Variants in AGBL1 observed in about 807,000 individuals in gnomAD.
The protein encoded by AGBL1 is cytosolic carboxypeptidase 4.
In AGBL1, 130 loss-of-function variants were observed where a neutral mutation model predicts 118.9. The ratio of observed to expected loss-of-function variants is 1.09; its 90% CI spans 0.95 to 1.26. The LOEUF (loss-of-function observed/expected upper bound fraction) is 1.26, where lower values mean the gene tolerates loss of function less well. AGBL1 is among the 50% of genes most tolerant of loss of function. The pLI is 0.00. For synonymous variants in AGBL1, 555 were observed against 478.9 expected (o/e 1.16, Z -2.08); for missense variants, 1,584 against 1,298.1 (o/e 1.22, Z -3.38).
intron 17 of AGBL1, among the ~76,000 whole-genome samples, chr15:86,348,927 T>C (rs2141896758): frequency 6.6e-6 from 1 of 152,210 alleles, no homozygotes; most frequent in Admixed American, 6.5e-5. Context: ...TCTCTGTAGA[T>C]GTAATCAAGA....
intron 22 of AGBL1, among the ~76,000 whole-genome samples, chr15:86,791,862 G>C (rs1037090507): frequency 2.4e-4 from 36 of 151,884 alleles, no homozygotes; most frequent in Non-Finnish European, 4.6e-4. Flanking sequence ...TTAGCCTCTG[G>C]AGTAGCTGGG....
At chr15:86,445,022 C>T (rs985560934) in intron 18 of AGBL1, among the ~76,000 whole-genome samples, 8 of 152,006 alleles carry the variant, frequency 5.3e-5, no homozygotes, top group African/African-American at 1.9e-4. Flanking sequence ...AAGGTGGAAA[C>T]CACGTTGTCT....
intron 22 of AGBL1, among the ~76,000 whole-genome samples, chr15:86,786,198 T>G (rs1051643733): frequency 2.0e-5 from 3 of 152,282 alleles, no homozygotes; most frequent in Admixed American, 2.0e-4. Flanking sequence ...GCTGGTGTGC[T>G]GCACCCATTA....
chr15:86,135,603 A>C (rs910756183), intron 1 of AGBL1, among the ~76,000 whole-genome samples: 1 of 152,186 alleles, frequency 6.6e-6, no homozygotes, highest in African/African-American at 2.4e-5. Flanking sequence ...ATCCCACTTC[A>C]TATCATTCCA....
chr15:86,958,951 G>A (rs1407432523), intron 23 of AGBL1, among the ~76,000 whole-genome samples: 1 of 152,026 alleles, frequency 6.6e-6, no homozygotes, highest in African/African-American at 2.4e-5. Flanking sequence ...TTACAGTAAG[G>A]TACCATATAT....
intron 21 of AGBL1, among the ~76,000 whole-genome samples, chr15:86,603,720 C>T (rs1046974939): frequency 2.6e-5 from 4 of 152,082 alleles, no homozygotes; most frequent in Non-Finnish European, 5.9e-5. Flanking sequence ...CAAAAGTTGC[C>T]AAAGTTTAAT....
chr15:86,396,632 A>G (rs894087490), intron 17 of AGBL1, among the ~76,000 whole-genome samples: 1 of 152,164 alleles, frequency 6.6e-6, no homozygotes, highest in East Asian at 1.9e-4. Context: ...CTGCTAAGGA[A>G]TGAGAGGGAC....
chr15:86,900,341 C>G (rs1017221691), intron 22 of AGBL1, among the ~76,000 whole-genome samples: 3 of 152,138 alleles, frequency 2.0e-5, no homozygotes, highest in Non-Finnish European at 2.9e-5. Context: ...ACGTATGTTT[C>G]TTACTTTTCC....
intron 22 of AGBL1, among the ~76,000 whole-genome samples, chr15:86,809,245 C>T (rs10520640): frequency 6.6e-6 from 1 of 151,904 alleles, no homozygotes; most frequent in South Asian, 2.1e-4. Context: ...TGTAGCTCTT[C>T]TCGTTTTTCT....
chr15:86,466,749 C>T (rs778864332), intron 18 of AGBL1, among the ~76,000 whole-genome samples: 2 of 152,176 alleles, frequency 1.3e-5, no homozygotes, highest in African/African-American at 4.8e-5. Context: ...AACAGTCAGG[C>T]CCTTCTTCTG....
At chr15:86,084,067 T>G (rs1895471019) in intron 1 of AGBL1, among the ~76,000 whole-genome samples, 1 of 152,224 alleles carries the variant, frequency 6.6e-6, no homozygotes, top group Non-Finnish European at 1.5e-5. Context: ...GAAAACTGTC[T>G]TAATTTCAAG....
At chr15:86,477,508 T>A (rs138962461) in intron 18 of AGBL1, among the ~76,000 whole-genome samples, 7 of 152,114 alleles carry the variant, frequency 4.6e-5, no homozygotes, top group Non-Finnish European at 8.8e-5. Context: ...CCTGGGCACA[T>A]ACACCCTCCC....
chr15:86,199,878 A>G (rs1959124696), intron 5 of AGBL1, among the ~76,000 whole-genome samples: 2 of 152,222 alleles, frequency 1.3e-5, no homozygotes, highest in South Asian at 4.1e-4. Flanking sequence ...ACCTTAGTCA[A>G]GCCATTTAAT....
chr15:86,146,396 T>C (rs1306190231), intron 3 of AGBL1, among the ~76,000 whole-genome samples: 1 of 152,040 alleles, frequency 6.6e-6, no homozygotes, highest in Non-Finnish European at 1.5e-5. Flanking sequence ...TATATGCAAA[T>C]ACTACACCAT....
intron 1 of AGBL1, among the ~76,000 whole-genome samples, chr15:86,134,922 ATT>A (rs34477506): frequency 5.4e-5 from 8 of 148,044 alleles, no homozygotes; most frequent in African/African-American, 2.0e-4. Flanking sequence ...AATGGTGCCT[ATT>A]TTTTTTTTTA....
intron 5 of AGBL1, among the ~76,000 whole-genome samples, chr15:86,161,211 T>C (rs748075400): frequency 4.2e-4 from 64 of 152,202 alleles, no homozygotes; most frequent in Non-Finnish European, 8.5e-4. Context: ...ATGGTTTTCC[T>C]TCTTCAGTCA....
chr15:86,750,203 T>C (rs1200851908), intron 22 of AGBL1, among the ~76,000 whole-genome samples: 1 of 152,096 alleles, frequency 6.6e-6, no homozygotes, highest in African/African-American at 2.4e-5. Flanking sequence ...ATGTAATTAT[T>C]ATTAATACCA....
At chr15:86,885,131 T>C (rs1596590913) in intron 22 of AGBL1, among the ~76,000 whole-genome samples, 1 of 117,552 alleles carries the variant, frequency 8.5e-6, no homozygotes, top group South Asian at 2.9e-4. Context: ...TTTACATACA[T>C]ATACTGTTCT....
intron 1 of AGBL1, among the ~76,000 whole-genome samples, chr15:86,094,227 C>T (rs1338367341): frequency 6.6e-6 from 1 of 152,068 alleles, no homozygotes; most frequent in African/African-American, 2.4e-5. Flanking sequence ...CCAAAACTCT[C>T]CCTAAACTCA....
Sources: gnomAD v4.1 joint callset for allele counts (sites outside exome capture counted in the v4.1 genomes callset) on GRCh38, gnomAD v4.1.1 for gene constraint, MANE v1.5 for transcripts, NCBI Gene and HGNC (gene_info 2026-07-23, HGNC 2026-07-21) for gene names.